SPECC1L: variants seen among roughly 807,000 people sequenced by gnomAD.
SPECC1L encodes the protein sperm antigen with calponin homology and coiled-coil domains 1 like.
SPECC1L carries 40 observed loss-of-function variants against 116.8 expected under a neutral mutation model. The ratio of observed to expected loss-of-function variants is 0.34; its 90% CI spans 0.27 to 0.45. The LOEUF (loss-of-function observed/expected upper bound fraction) is 0.45. SPECC1L is among the 20% of genes least tolerant of loss of function. The pLI is 1.00. For missense variants in SPECC1L, 1,110 were observed against 1,373.6 expected (o/e 0.81, Z 3.03); for synonymous variants, 504 against 500.6 (o/e 1.01, Z -0.09).
Position 24,276,683 on chromosome 22 carries a change from TCCTC to T in SPECC1L, c.-141-16_-141-13del, listed in dbSNP as rs1394513920. On this transcript the variant is annotated splice_polypyrimidine_tract_variant and intron_variant, in intron 1 of 16. Transcript: ENST00000314328. ...CTAAAATTTAAAGCTATTCTATTCTTCCTCTCTCTCTTCTAGTGTTCTTGGGGAA... is the reference window on the plus strand; with the variant it reads ...CTAAAATTTAAAGCTATTCTATTCTTTCTCTCTTCTAGTGTTCTTGGGGAA... 5 of 418,714 alleles carry T rather than the reference TCCTC, an allele frequency of 1.2e-5. No individual in the cohort carries two copies. The highest frequency in any genetic ancestry group is 2.1e-5 in the African/African-American group (1 of 47,768). The allele number at this position is 418,714 out of a possible 1,614,324, so 25.9% of individuals were successfully genotyped here. A position where few individuals can be genotyped will look rare whatever the true frequency, so the allele number is the denominator to read the frequency against.
chr22:24,398,982 C>A lies in SPECC1L; in HGVS notation c.3088-12606C>A, dbSNP rs551955768. ...ATCCCCTGCCAAAGCTAAACTAAAT[C>A]TGTGGGAAAAGACAGTAATCATTCC... On this transcript the variant is annotated intron_variant, in intron 14 of 16. Coordinates refer to ENST00000314328, the MANE Select transcript of SPECC1L (RefSeq NM_015330.6). Among the ~76,000 whole-genome samples the A allele has an allele frequency of 5.9e-5, 9 of 152,332 alleles. No individual in the cohort carries two copies. In the South Asian group the frequency reaches 1.9e-3, roughly 32 times the overall value.
chr22:24,280,214 C>T (rs1377650246), intron 2 of SPECC1L, among the ~76,000 whole-genome samples: 1 of 152,188 alleles, frequency 6.6e-6, no homozygotes, highest in Non-Finnish European at 1.5e-5. Context: ...ACCGCATCTC[C>T]AATGCCTTGC....
chr22:24,301,046 A>G (rs2049367013), intron 2 of SPECC1L, among the ~76,000 whole-genome samples: 1 of 152,256 alleles, frequency 6.6e-6, no homozygotes, highest in African/African-American at 2.4e-5. Context: ...CATTCAGGAC[A>G]TAGGCATGGG....
intron 11 of SPECC1L, among the ~76,000 whole-genome samples, chr22:24,351,115 T>C (rs570134388): frequency 1.3e-5 from 2 of 152,122 alleles, no homozygotes; most frequent in Non-Finnish European, 2.9e-5. Flanking sequence ...AGGCTTATCT[T>C]GATGGGGTTA....
At chr22:24,375,206 G>A (rs187057824) in intron 14 of SPECC1L, among the ~76,000 whole-genome samples, 1 of 152,216 alleles carries the variant, frequency 6.6e-6, no homozygotes, top group African/African-American at 2.4e-5. Flanking sequence ...GCAAAGAGAA[G>A]CCCAGGACCA....
intron 16 of SPECC1L, among the ~76,000 whole-genome samples, chr22:24,413,721 C>T (rs754293756): frequency 6.6e-6 from 1 of 152,190 alleles, no homozygotes; most frequent in South Asian, 2.1e-4. Context: ...AAAAAGCAGG[C>T]CTTTTTCCCA....
chr22:24,322,051 A>T lies in SPECC1L; in HGVS notation c.1071A>T (p.Thr357=). 2 of 1,614,238 alleles carry T rather than the reference A, an allele frequency of 1.2e-6. No individual in the cohort carries two copies. Among genetic ancestry groups the T allele is most frequent in the Non-Finnish European group, 1.7e-6 (2 of 1,180,042 alleles). ...SECSEVYQPL[T]SSDDALDAPS... is the part of the protein sequence containing the mutation. ...GCAGTGAGGTCTACCAGCCCCTCAC[A>T]TCGAGCGATGATGCGCTGGATGCAC... The change falls in exon 5 of 17, where the codon ACA becomes ACT. Residue 357 remains threonine (T), a synonymous_variant. Transcript: ENST00000314328.
intron 10 of SPECC1L, among the ~76,000 whole-genome samples, chr22:24,345,926 G>T (rs1054380363): frequency 1.3e-5 from 2 of 152,080 alleles, no homozygotes; most frequent in African/African-American, 4.8e-5. Context: ...AAATAAGTAG[G>T]TTGGTGGTGT....
chr22:24,272,478 GC>G (rs1435622636), intron 1 of SPECC1L, among the ~76,000 whole-genome samples: 1 of 152,132 alleles, frequency 6.6e-6, no homozygotes, highest in Non-Finnish European at 1.5e-5. Context: ...TTCGATACCA[GC>G]CTGGCCAACA....
At chr22:24,331,182 A>G (rs2040930836) in intron 8 of SPECC1L, among the ~76,000 whole-genome samples, 1 of 152,200 alleles carries the variant, frequency 6.6e-6, no homozygotes, top group Middle Eastern at 3.2e-3. Context: ...AGTAGGGGAT[A>G]GTATTTTTGT....
At chr22:24,372,480 C>A (rs1162485369) in intron 14 of SPECC1L, among the ~76,000 whole-genome samples, 1 of 152,188 alleles carries the variant, frequency 6.6e-6, no homozygotes, top group Non-Finnish European at 1.5e-5. Context: ...ATACGCAAAT[C>A]AATAAATGTA....
Position 24,338,462 on chromosome 22 carries a change from T to C in SPECC1L, c.2637T>C (p.Ala879=). The change falls in exon 10 of 17, where the codon GCT becomes GCC. Residue 879 remains alanine, a synonymous_variant. Transcript: ENST00000314328. ...PSPMKTPPAA[A]VSPMQRHSIS... ...CTATGAAAACCCCTCCTGCAGCAGC[T>C]GTGTCCCCTATGCAGGTGAGTGCCT... 1 of 1,614,066 alleles carries C rather than the reference T, an allele frequency of 6.2e-7. No homozygotes were observed. Among genetic ancestry groups the C allele is most frequent in the Non-Finnish European group, 8.5e-7 (1 of 1,179,944 alleles).
At position 24,347,553 on chromosome 22, in the gene SPECC1L, C is replaced by A. The variant is rs192971766; in HGVS notation, c.2743+377C>A. ...GTTACTAAGCAGTAGCCCAGGGCAG[C>A]CTGACTTCAAAGCCCATTCCTTAAA... On this transcript the variant is annotated intron_variant, in intron 11 of 16. Coordinates refer to ENST00000314328, the MANE Select transcript of SPECC1L (RefSeq NM_015330.6). Among the ~76,000 whole-genome samples the A allele has an allele frequency of 2.6e-5, 4 of 152,288 alleles. No homozygotes were observed. In the East Asian group the frequency reaches 5.8e-4, roughly 22 times the overall value.
At chr22:24,343,365 A>C (rs1421717720) in intron 10 of SPECC1L, 3 of 372,352 alleles carry the variant, frequency 8.1e-6, no homozygotes, top group Non-Finnish European at 1.6e-5. Context: ...AACAGTGATA[A>C]GAAACTCTTA....
chr22:24,410,281 G>A (rs902284672), intron 14 of SPECC1L, among the ~76,000 whole-genome samples: 11 of 152,190 alleles, frequency 7.2e-5, no homozygotes, highest in South Asian at 4.1e-4. Flanking sequence ...GGATCCTCCC[G>A]CCTCAGCCTC....
chr22:24,286,728 C>T (rs74444893), intron 2 of SPECC1L, among the ~76,000 whole-genome samples: 4,128 of 152,202 alleles, frequency 0.027, 76 homozygotes, highest in Non-Finnish European at 0.039. Flanking sequence ...GGATTTACTT[C>T]TGACATTCAT....
chr22:24,316,789 T>C (rs1232067227), intron 4 of SPECC1L, among the ~76,000 whole-genome samples: 5 of 148,696 alleles, frequency 3.4e-5, no homozygotes, highest in East Asian at 2.0e-4. Context: ...CAATGAGCTG[T>C]TGGGTACACC....
intron 4 of SPECC1L, among the ~76,000 whole-genome samples, chr22:24,320,526 C>T (rs910963110): frequency 6.6e-6 from 1 of 152,106 alleles, no homozygotes; most frequent in Non-Finnish European, 1.5e-5. Flanking sequence ...AATTTTGGCT[C>T]ATCTATTTAT....
intron 11 of SPECC1L, 90 bp downstream of exon 11, chr22:24,347,266 T>C: frequency 1.1e-6 from 1 of 947,880 alleles, no homozygotes; most frequent in Non-Finnish European, 1.7e-6. Flanking sequence ...TCTTTGCTCT[T>C]GATACTATTT....
Sources: gnomAD v4.1 joint callset for allele counts (sites outside exome capture counted in the v4.1 genomes callset) on GRCh38, gnomAD v4.1.1 for gene constraint, MANE v1.5 for transcripts, NCBI Gene and HGNC (gene_info 2026-07-23, HGNC 2026-07-21) for gene names.